The following BBS9 variants were observed in gnomAD, a reference collection of about 807,000 sequenced individuals.
The protein encoded by BBS9 is protein PTHB1.
A neutral mutation model predicts 117.7 loss-of-function variants in BBS9; 89 were observed. That is an observed-to-expected ratio of 0.76 (90% CI 0.64 to 0.90). The LOEUF (loss-of-function observed/expected upper bound fraction) is 0.90, where lower values mean the gene tolerates loss of function less well. Among genes scored for constraint, BBS9 ranks in the 40% least tolerant of loss-of-function variants. The pLI is 0.00. For missense variants in BBS9, 982 were observed against 1,042.2 expected (o/e 0.94, Z 0.80); for synonymous variants, 379 against 370.9 (o/e 1.02, Z -0.25).
chr7:33,559,391 C>T (rs900570851), intron 21 of BBS9, among the ~76,000 whole-genome samples: 1 of 152,034 alleles, frequency 6.6e-6, no homozygotes, highest in African/African-American at 2.4e-5. Context: ...AGTTAGCCAA[C>T]GATGATTTTT....
intron 5 of BBS9, among the ~76,000 whole-genome samples, chr7:33,185,379 A>G (rs1344687379): frequency 6.6e-6 from 1 of 152,084 alleles, no homozygotes; most frequent in African/African-American, 2.4e-5. Context: ...TTTTACATAA[A>G]TCTTTATCTA....
intron 19 of BBS9, among the ~76,000 whole-genome samples, chr7:33,434,278 T>TAA (rs36043262): frequency 3.4e-4 from 45 of 132,666 alleles, no homozygotes; most frequent in East Asian, 1.3e-3. Flanking sequence ...TCCTGTTTGC[T>TAA]AAAAAAAAAA....
intron 13 of BBS9, 152 bp from the exon 14 acceptor site, chr7:33,351,067 C>G (rs1818560513): frequency 1.6e-6 from 1 of 606,552 alleles, no homozygotes; most frequent in Non-Finnish European, 3.0e-6. Flanking sequence ...TAGTATCAAC[C>G]TCACAGGTTT....
At chr7:33,286,940 A>G (rs1803016823) in intron 9 of BBS9, among the ~76,000 whole-genome samples, 1 of 152,166 alleles carries the variant, frequency 6.6e-6, no homozygotes. Context: ...GGGAAATGGG[A>G]AAAAGTGATT....
chr7:33,597,519 A>G (rs186616835), intron 21 of BBS9, among the ~76,000 whole-genome samples: 9 of 152,266 alleles, frequency 5.9e-5, no homozygotes, highest in Non-Finnish European at 8.8e-5. Context: ...TCCAATACCC[A>G]GTTTATTACA....
At chr7:33,163,092 G>T (rs1335673896) in intron 4 of BBS9, among the ~76,000 whole-genome samples, 1 of 152,078 alleles carries the variant, frequency 6.6e-6, no homozygotes, top group Non-Finnish European at 1.5e-5. Flanking sequence ...ATAATCATGT[G>T]GTTTTTGTCA....
intron 21 of BBS9, among the ~76,000 whole-genome samples, chr7:33,623,666 C>G (rs576691735): frequency 5.9e-5 from 9 of 152,264 alleles, no homozygotes; most frequent in Admixed American, 2.0e-4. Context: ...TATATTCTTA[C>G]TGTGGGGTAC....
intron 5 of BBS9, among the ~76,000 whole-genome samples, chr7:33,190,629 G>A (rs772919282): frequency 1.2e-4 from 19 of 152,026 alleles, no homozygotes; most frequent in Non-Finnish European, 2.4e-4. Flanking sequence ...TTTCCTTCTG[G>A]TTACATGATG....
At chr7:33,407,937 A>G (rs6967374) in intron 19 of BBS9, among the ~76,000 whole-genome samples, 91,552 of 152,062 alleles carry the variant, frequency 0.6, 27,956 homozygotes, top group African/African-American at 0.69. Flanking sequence ...CTCCAGCTGC[A>G]TGCTGGGAGA....
intron 11 of BBS9, among the ~76,000 whole-genome samples, chr7:33,341,362 G>A (rs1165477797): frequency 6.6e-6 from 1 of 152,110 alleles, no homozygotes; most frequent in Non-Finnish European, 1.5e-5. Context: ...GATAAGGTTT[G>A]TGAGTGGCCT....
chr7:33,364,366 C>G (rs1452343546), intron 16 of BBS9, among the ~76,000 whole-genome samples: 1 of 152,058 alleles, frequency 6.6e-6, no homozygotes, highest in African/African-American at 2.4e-5. Flanking sequence ...ATAATTTTTA[C>G]TCCATCCCCC....
rs116322242 is a variant in BBS9 at position 33,199,507 on chromosome 7, T to A, written c.442+21916T>A. Among the ~76,000 whole-genome samples the A allele has an allele frequency of 7.1e-3, 1,085 of 151,950 alleles. 15 individuals are homozygous for A. Among genetic ancestry groups the A allele is most frequent in the African/African-American group, 0.025 (1,022 of 41,516 alleles). ...AGGGCTTATTATGGAATAGTTGAGC[T>A]CTTTGTATTTATCGCACAGTTATTG... On this transcript the variant is annotated intron_variant, in intron 5 of 22. Transcript: ENST00000242067.
intron 5 of BBS9, among the ~76,000 whole-genome samples, chr7:33,197,901 G>T (rs1785194157): frequency 6.6e-6 from 1 of 151,858 alleles, no homozygotes; most frequent in African/African-American, 2.4e-5. Context: ...TTTTGTAGAA[G>T]AATCATATTA....
intron 9 of BBS9, among the ~76,000 whole-genome samples, chr7:33,301,585 C>A (rs530604792): frequency 6.6e-6 from 1 of 152,240 alleles, no homozygotes; most frequent in East Asian, 1.9e-4. Context: ...CATGTTGTTG[C>A]AAATGGCAGG....
intron 4 of BBS9, among the ~76,000 whole-genome samples, chr7:33,170,565 C>T (rs1796385764): frequency 6.6e-6 from 1 of 150,570 alleles, no homozygotes; most frequent in Non-Finnish European, 1.5e-5. Flanking sequence ...CCCTCTCTCA[C>T]CACTCCTATT....
chr7:33,181,566 A>G (rs1028410380), intron 5 of BBS9, among the ~76,000 whole-genome samples: 6 of 152,244 alleles, frequency 3.9e-5, no homozygotes, highest in African/African-American at 1.2e-4. Context: ...TAAACCTTGC[A>G]TATAACCCTT....
intron 14 of BBS9, among the ~76,000 whole-genome samples, chr7:33,352,322 G>A (rs1818818297): frequency 6.6e-6 from 1 of 151,388 alleles, no homozygotes; most frequent in South Asian, 2.1e-4. Context: ...GAATTTAGAA[G>A]ATTACTAATC....
At chr7:33,252,626 T>C (rs1796389574) in intron 5 of BBS9, among the ~76,000 whole-genome samples, 1 of 152,046 alleles carries the variant, frequency 6.6e-6, no homozygotes, top group Non-Finnish European at 1.5e-5. Context: ...AGACTGAAGA[T>C]TTGTGGTTCG....
chr7:33,404,921 C>T (rs1416399131), intron 19 of BBS9, among the ~76,000 whole-genome samples: 2 of 152,090 alleles, frequency 1.3e-5, no homozygotes, highest in Admixed American at 6.5e-5. Context: ...CTGTCTTGTG[C>T]CAGTTTTCAA....
Sources: gnomAD v4.1 joint callset for allele counts (sites outside exome capture counted in the v4.1 genomes callset) on GRCh38, gnomAD v4.1.1 for gene constraint, MANE v1.5 for transcripts, NCBI Gene and HGNC (gene_info 2026-07-23, HGNC 2026-07-21) for gene names.